Variants in CD70 observed in about 807,000 individuals in gnomAD.
CD70 encodes the protein CD70 antigen.
CD70 carries 6 observed loss-of-function variants against 9.0 expected under a neutral mutation model. The ratio of observed to expected loss-of-function variants is 0.67; its 90% CI spans 0.37 to 1.32. The LOEUF (loss-of-function observed/expected upper bound fraction) is 1.32. Among genes scored for constraint, CD70 ranks in the 40% most tolerant of loss-of-function variants. The pLI, the probability that CD70 is intolerant of heterozygous loss-of-function variation, is 0.02. For synonymous variants in CD70, 108 were observed against 112.3 expected (o/e 0.96, Z 0.24); for missense variants, 235 against 258.7 (o/e 0.91, Z 0.63).
Position 6,590,058 on chromosome 19 carries a change from T to G in CD70, c.196+45A>C. 6.5e-7 allele frequency: 1 copy of G among 1,547,396 alleles called. No individual in the cohort carries two copies. The highest frequency in any genetic ancestry group is 8.9e-7 in the Non-Finnish European group (1 of 1,123,114). The stretch of plus-strand genomic sequence containing the variant: ...CTTTCTACCTCTCCTTCCTTCTCTC[T>G]CTGTGCCTCTTCTTCTCCCCGTCCC... On this transcript the variant is annotated intron_variant, in intron 2 of 2. Transcript: ENST00000245903. This position sits in a 1 kb window ranked among gnomAD's most constrained non-coding sequence, Gnocchi z 5.3.
At chr19:6,585,346 A>T (rs1249194230), downstream of CD70, among the ~76,000 whole-genome samples, 1 of 101,870 alleles carries the variant, frequency 9.8e-6, no homozygotes. Context: ...AGAAAACAGA[A>T]CTTTTTTTTT....
chr19:6,583,555 T>C, downstream of CD70: 1 of 43,250 alleles, frequency 2.3e-5, no homozygotes, highest in South Asian at 8.5e-4. Context: ...ATTGTAGTCT[T>C]TTTTTTTTTT....
downstream of CD70, chr19:6,583,111 C>T (rs62123186): frequency 0.082 from 35,298 of 431,432 alleles, 1,679 homozygotes; most frequent in Middle Eastern, 0.11. Flanking sequence ...CACCACTCCT[C>T]TCACTTCCCC....
downstream of CD70, among the ~76,000 whole-genome samples, chr19:6,582,251 G>A (rs915987443): frequency 6.6e-6 from 1 of 151,416 alleles, no homozygotes; most frequent in Non-Finnish European, 1.5e-5. Context: ...GCCCAGGCTG[G>A]TCTCGAACTC....
chr19:6,582,131 G>A (rs1915928722), downstream of CD70, among the ~76,000 whole-genome samples: 1 of 151,034 alleles, frequency 6.6e-6, no homozygotes, highest in Admixed American at 6.6e-5. Context: ...CCGGGTTAAA[G>A]CGATTCTCCT....
At chr19:6,586,902 CAAAA>C (rs55803401) in intron 2 of CD70, among the ~76,000 whole-genome samples, 1,684 of 85,320 alleles carry the variant, frequency 0.02, 18 homozygotes, top group East Asian at 0.15. Flanking sequence ...GAGAGAGAGA[CAAAA>C]AAAAAAAAAA....
downstream of CD70, chr19:6,583,066 TG>T: frequency 2.7e-6 from 1 of 367,538 alleles, no homozygotes; most frequent in South Asian, 8.7e-5. Flanking sequence ...GGGTGGCGCA[TG>T]GGTCTCATTT....
chr19:6,583,128 A>T, downstream of CD70: 1 of 447,924 alleles, frequency 2.2e-6, no homozygotes, highest in Non-Finnish European at 4.0e-6. Context: ...CCCCTTCTAG[A>T]AGTGAGATCA....
At chr19:6,584,804 C>T (rs1034769272), downstream of CD70, among the ~76,000 whole-genome samples, 3 of 151,694 alleles carry the variant, frequency 2.0e-5, no homozygotes, top group African/African-American at 7.3e-5. Flanking sequence ...AGTTTGAGGC[C>T]GCAGTGAGAC....
At chr19:6,585,736 G>C (rs1428197378), downstream of CD70, 1 of 309,380 alleles carries the variant, frequency 3.2e-6, no homozygotes, top group Non-Finnish European at 6.1e-6. Flanking sequence ...GTGCAGTGGC[G>C]CAATCTCGGC....
In CD70 at chr19:6,590,013, CTCTG is replaced by C; in HGVS notation, c.196+86_196+89del. The C allele has an allele frequency of 9.8e-7, 1 of 1,022,600 alleles. No individual in the cohort carries two copies. The highest frequency in any genetic ancestry group is 1.4e-5 in the South Asian group (1 of 73,586). 63.3% of individuals were successfully genotyped at this position (1,022,600 alleles called of 1,614,324 possible). On this transcript the variant is annotated intron_variant, in intron 2 of 2. Transcript: ENST00000245903. This position sits in a 1 kb window ranked among gnomAD's most constrained non-coding sequence, Gnocchi z 5.3. ...TCCGTCTCTGTCTGTGTCTCTTTCT[CTCTG>C]TCTCTCCCCACTTGTCTTTCTACCT...
In CD70 at chr19:6,590,807, A is replaced by T; in HGVS notation, c.162+34T>A. 1 of 1,579,630 alleles carries T rather than the reference A, an allele frequency of 6.3e-7. No individual in the cohort carries two copies. The highest frequency in any genetic ancestry group is 8.7e-7 in the Non-Finnish European group (1 of 1,152,366). On this transcript the variant is annotated intron_variant, in intron 1 of 2. Transcript: ENST00000245903. This position sits in a 1 kb window ranked among gnomAD's most constrained non-coding sequence, Gnocchi z 5.3. ...TGTCTTTTCGGTCACGCGCCTCTCT[A>T]TGTTTTCTTCCCAACTTTTCCATCT...
chr19:6,589,962 T>A, intron 2 of CD70, 141 bp downstream of exon 2: 19 of 502,786 alleles, frequency 3.8e-5, no homozygotes, highest in Non-Finnish European at 4.3e-5. Flanking sequence ...TCCGTTTCCC[T>A]CCCTATCTCT....
rs1374104155 is a variant in CD70, at chr19:6,585,982, T to C, written c.*38A>G. On this transcript the variant is annotated 3_prime_UTR_variant, in exon 3 of 3. Coordinates refer to ENST00000245903, the MANE Select transcript of CD70 (RefSeq NM_001252.5). ...CTTTTTCTCTTGAACTTAAATAAAA[T>C]AAAATAAAATTTAAAAAACCCTAAT... 2 of 1,478,068 alleles carry C rather than the reference T, an allele frequency of 1.4e-6. No homozygotes were observed. Among genetic ancestry groups the C allele is most frequent in the African/African-American group, 2.9e-5 (2 of 70,038 alleles). The allele number at this position is 1,478,068 out of a possible 1,614,324, so 91.6% of individuals were successfully genotyped here. A position where few individuals can be genotyped will look rare whatever the true frequency, so the allele number is the denominator to read the frequency against.
downstream of CD70, among the ~76,000 whole-genome samples, chr19:6,584,144 TAA>T (rs56703384): frequency 1.6e-4 from 21 of 133,532 alleles, no homozygotes; most frequent in African/African-American, 1.4e-4. Context: ...CTTCTCATTG[TAA>T]AAAAAAAAAA....
chr19:6,583,941 G>A (rs1003439739), downstream of CD70, among the ~76,000 whole-genome samples: 5 of 151,258 alleles, frequency 3.3e-5, no homozygotes, highest in African/African-American at 1.2e-4. Context: ...TACAGGTGCC[G>A]GCCACCATGC....
In CD70 at chr19:6,590,703, C is replaced by T; in HGVS notation, c.162+138G>A. ...GCCCCTACACCGGGCAGCCTGGTCC[C>T]CGCCTCGCCTCCCTGTTCTGGTCTC... On this transcript the variant is annotated intron_variant, in intron 1 of 2. Coordinates refer to ENST00000245903, the MANE Select transcript of CD70 (RefSeq NM_001252.5). The surrounding 1 kb of genome is among the most constrained non-coding windows in gnomAD (Gnocchi z 5.3). 2 of 777,104 alleles carry T rather than the reference C, an allele frequency of 2.6e-6. No homozygotes were observed. The highest frequency in any genetic ancestry group is 1.8e-5 in the South Asian group (1 of 54,562). 48.1% of individuals were successfully genotyped at this position (777,104 alleles called of 1,614,324 possible). A position where few individuals can be genotyped will look rare whatever the true frequency, so the allele number is the denominator to read the frequency against.
chr19:6,585,203 C>T (rs192317088), downstream of CD70, among the ~76,000 whole-genome samples: 8 of 150,990 alleles, frequency 5.3e-5, no homozygotes, highest in East Asian at 9.8e-4. Context: ...AGGCTGGTCT[C>T]GAACTCCTGA....
downstream of CD70, among the ~76,000 whole-genome samples, chr19:6,584,735 C>T (rs1915982905): frequency 6.8e-6 from 1 of 147,596 alleles, no homozygotes; most frequent in East Asian, 2.0e-4. Flanking sequence ...GTGTGGTGGC[C>T]TGTGCTGGCG....
Sources: gnomAD v4.1 joint callset for allele counts (sites outside exome capture counted in the v4.1 genomes callset) on GRCh38, gnomAD v4.1.1 for gene constraint, Gnocchi (gnomAD v3.1) non-coding constraint, MANE v1.5 for transcripts, NCBI Gene and HGNC (gene_info 2026-07-23, HGNC 2026-07-21) for gene names.